ZNF248: variants seen among roughly 807,000 people sequenced by gnomAD.
The protein encoded by ZNF248 is zinc finger protein 248, also known as KRAB protein domain.
In ZNF248, 20 loss-of-function variants were observed where a neutral mutation model predicts 44.3. That is an observed-to-expected ratio of 0.45 (90% CI 0.32 to 0.66). The LOEUF is 0.66. ZNF248 is among the 30% of genes least tolerant of loss of function. ZNF248 has a pLI of 0.04. For missense variants in ZNF248, 654 were observed against 677.0 expected (o/e 0.97, Z 0.38); for synonymous variants, 224 against 229.0 (o/e 0.98, Z 0.20).
chr10:37,817,966 A>C (rs572503280), intron 6 of ZNF248, among the ~76,000 whole-genome samples: 1 of 152,192 alleles, frequency 6.6e-6, no homozygotes, highest in South Asian at 2.1e-4. Flanking sequence ...CCCAGGCTGG[A>C]GTGCAGTGGC....
chr10:37,809,625 T>C lies in ZNF248; in HGVS notation c.330+23400A>G, dbSNP rs2051180694. On this transcript the variant is annotated intron_variant, in intron 6 of 6. Coordinates refer to the ZNF248 transcript ENST00000615949. ...TCCTTAAGATGTAATGTTAGATAAC[T>C]GATTTGAGATTTTTCTTCTTTTTAA... is the stretch of plus-strand genomic sequence containing the variant. 2.0e-5 allele frequency among the ~76,000 whole-genome samples: 3 copies of C among 152,184 alleles called. No homozygotes were observed. In the South Asian group the frequency reaches 6.2e-4, roughly 32 times the overall value.
At chr10:37,792,549 ACTTT>A (rs1344807069) in intron 6 of ZNF248, among the ~76,000 whole-genome samples, 1 of 152,186 alleles carries the variant, frequency 6.6e-6, no homozygotes, top group African/African-American at 2.4e-5. Flanking sequence ...AAACACTGTA[ACTTT>A]ACAGGTGAGA....
intron 6 of ZNF248, among the ~76,000 whole-genome samples, chr10:37,777,629 C>A (rs2046744219): frequency 6.6e-6 from 1 of 150,746 alleles, no homozygotes; most frequent in African/African-American, 2.4e-5. Context: ...TGGTGCGCTG[C>A]ACCCACCAAC....
In ZNF248 at chr10:37,789,037, A is replaced by G. The variant is rs539714432; in HGVS notation, c.331-12462T>C. ...CAGGCACATGCCTCCATCCCCGGCT[A>G]AAGTTTACATTTTTGTTAGAGATGG... On this transcript the variant is annotated intron_variant, in intron 6 of 6. Coordinates refer to the ZNF248 transcript ENST00000615949. Among the ~76,000 whole-genome samples the G allele has an allele frequency of 1.4e-4, 21 of 152,210 alleles. No homozygotes were observed. The South Asian group carries it at 1.5e-3, about 11-fold the overall frequency.
intron 6 of ZNF248, among the ~76,000 whole-genome samples, chr10:37,786,448 T>C (rs971782060): frequency 6.6e-6 from 1 of 152,082 alleles, no homozygotes; most frequent in African/African-American, 2.4e-5. Context: ...TCAGCTCCAA[T>C]AGCCTACTAT....
At position 37,857,290 on chromosome 10, in the gene ZNF248, G is replaced by C. The variant is rs2295872; in HGVS notation, c.-231C>G. 6.6e-6 allele frequency: 1 copy of C among 152,358 alleles called. No individual in the cohort carries two copies. The highest frequency in any genetic ancestry group is 1.5e-5 in the Non-Finnish European group (1 of 68,090). 9.4% of individuals were successfully genotyped at this position (152,358 alleles called of 1,614,324 possible). A position where few individuals can be genotyped will look rare whatever the true frequency, so the allele number is the denominator to read the frequency against. ...CATAATACATAAGCGAACGCGAAACGTGTAAATAATTACTTGGGATAGGAG... is the reference window on the plus strand; with the variant it reads ...CATAATACATAAGCGAACGCGAAACCTGTAAATAATTACTTGGGATAGGAG... On this transcript the variant is annotated 5_prime_UTR_variant, in exon 1 of 6. Coordinates refer to ENST00000395867, the MANE Select transcript of ZNF248 (RefSeq NM_021045.3).
rs2061516541 is a variant in ZNF248, at chr10:37,857,559, T to C, written c.-500A>G. The stretch of plus-strand genomic sequence containing the variant: ...AAACCGAGTCTCCCGTGGATAATTG[T>C]GTCTAATTCATTTGTCGCGGACCTG... On this transcript the variant is annotated 5_prime_UTR_variant, in exon 1 of 6. Transcript: ENST00000395867. 6.6e-6 allele frequency: 1 copy of C among 152,234 alleles called. No individual in the cohort carries two copies. Among genetic ancestry groups the C allele is most frequent in the Non-Finnish European group, 1.5e-5 (1 of 68,050 alleles). The allele number at this position is 152,234 out of a possible 1,614,324, so 9.4% of individuals were successfully genotyped here.
chr10:37,796,468 C>T (rs12782465), intron 6 of ZNF248, among the ~76,000 whole-genome samples: 281 of 152,186 alleles, frequency 1.8e-3, no homozygotes, highest in Non-Finnish European at 2.9e-3. Context: ...ATCCACCCAC[C>T]TCAGCCTCCG....
chr10:37,785,733 A>G (rs950178857), intron 6 of ZNF248, among the ~76,000 whole-genome samples: 2 of 152,166 alleles, frequency 1.3e-5, no homozygotes, highest in Non-Finnish European at 1.5e-5. Flanking sequence ...TGATGGGGAA[A>G]TCCTCCCAAT....
intron 6 of ZNF248, among the ~76,000 whole-genome samples, chr10:37,794,032 G>GTT (rs200667371): frequency 2.0e-5 from 3 of 151,802 alleles, no homozygotes; most frequent in African/African-American, 7.3e-5. Context: ...TATATACAAG[G>GTT]TTTTTTTTAT....
rs1205798745 is a variant in ZNF248 at position 37,799,617 on chromosome 10, T to C, written c.331-23042A>G. On this transcript the variant is annotated intron_variant, in intron 6 of 6. Transcript: ENST00000615949. ...TCCTGACTTATCTCTGAAAATCAGG[T>C]GCAAGGTTAGGATGCCAGCTTACAC... is the stretch of plus-strand genomic sequence containing the variant. 7.2e-5 allele frequency among the ~76,000 whole-genome samples: 11 copies of C among 152,074 alleles called. No individual in the cohort carries two copies. The East Asian group carries it at 1.9e-3, about 27-fold the overall frequency.
At chr10:37,794,771 G>A in intron 6 of ZNF248, 1 of 159,650 alleles carries the variant, frequency 6.3e-6, no homozygotes, top group South Asian at 1.9e-4. Flanking sequence ...GTTCTCTGAT[G>A]CACACTCAGT....
At chr10:37,766,623 G>C in the ZNF248 span, among the ~76,000 whole-genome samples, 1 of 152,152 alleles carries the variant, frequency 6.6e-6, no homozygotes, top group African/African-American at 2.4e-5. Context: ...AAACCCTTCT[G>C]TATGTCACCA....
intron 3 of ZNF248, among the ~76,000 whole-genome samples, chr10:37,842,499 C>A (rs987969412): frequency 1.1e-4 from 17 of 152,178 alleles, no homozygotes; most frequent in African/African-American, 4.1e-4. Flanking sequence ...AGCCTTGAGA[C>A]GGCAGACCGC....
At chr10:37,826,083 A>C (rs373085170), downstream of ZNF248, among the ~76,000 whole-genome samples, 31 of 152,342 alleles carry the variant, frequency 2.0e-4, 1 homozygote, top group East Asian at 2.1e-3. Flanking sequence ...AAGTAGTCGT[A>C]AAAATGATCA....
the ZNF248 span, among the ~76,000 whole-genome samples, chr10:37,768,885 AAAG>A: frequency 1.3e-5 from 2 of 152,286 alleles, no homozygotes; most frequent in East Asian, 3.9e-4. Context: ...CAAGACTAAT[AAAG>A]AAGAAAAGAG....
rs201880698 is a variant in ZNF248, at chr10:37,804,105, T to TTC, written c.331-27531_331-27530insGA. On this transcript the variant is annotated intron_variant, in intron 6 of 6. Coordinates refer to the ZNF248 transcript ENST00000615949. ...ACTTGTTTCCTTTTTCTTTTTCTTT[T>TTC]TTTTTTTTTTTTTTTGAGACAGGGT... Among the ~76,000 whole-genome samples, 161 of 91,294 alleles carry TTC rather than the reference T, an allele frequency of 1.8e-3. 1 individual carries two copies. The highest frequency in any genetic ancestry group is 3.2e-3 in the East Asian group (10 of 3,128). 59.9% of individuals were successfully genotyped at this position (91,294 alleles called of 152,430 possible).
intron 6 of ZNF248, among the ~76,000 whole-genome samples, chr10:37,778,786 AAG>A (rs1264182255): frequency 1.2e-4 from 19 of 152,102 alleles, no homozygotes; most frequent in Non-Finnish European, 2.2e-4. Context: ...TAAAGAAAAA[AAG>A]AGAGAAGAAT....
At chr10:37,791,168 A>G (rs1272075973) in intron 6 of ZNF248, among the ~76,000 whole-genome samples, 2 of 144,602 alleles carry the variant, frequency 1.4e-5, no homozygotes, top group African/African-American at 5.2e-5. Flanking sequence ...CAGCCTCCCA[A>G]GTAGCTGAGA....
Sources: gnomAD v4.1 joint callset for allele counts (sites outside exome capture counted in the v4.1 genomes callset) on GRCh38, gnomAD v4.1.1 for gene constraint, MANE v1.5 for transcripts, NCBI Gene and HGNC (gene_info 2026-07-23, HGNC 2026-07-21) for gene names.